KDM5B: variants seen among roughly 807,000 people sequenced by gnomAD.
The protein encoded by KDM5B is lysine demethylase 5B, also known as lysine-specific demethylase 5B.
KDM5B carries 144 observed loss-of-function variants against 193.4 expected under a neutral mutation model. The observed-to-expected ratio is 0.74, with a 90% CI of 0.65 to 0.86. The LOEUF (loss-of-function observed/expected upper bound fraction) is 0.86. Ranked by LOEUF, KDM5B falls within the 40% of genes least tolerant of loss-of-function variation. The probability of loss-of-function intolerance (pLI) is 0.00; values close to 1 mark genes in which losing one functional copy is unlikely to be tolerated. For missense variants in KDM5B, 1,833 were observed against 1,886.9 expected (o/e 0.97, Z 0.53); for synonymous variants, 668 against 682.6 (o/e 0.98, Z 0.33).
chr1:202,774,118 T>C (rs1656837547), intron 3 of KDM5B, among the ~76,000 whole-genome samples: 1 of 152,208 alleles, frequency 6.6e-6, no homozygotes, highest in African/African-American at 2.4e-5. Flanking sequence ...CTTGCAGAAT[T>C]TTTGTAAAGT....
intron 22 of KDM5B, among the ~76,000 whole-genome samples, chr1:202,734,544 G>C (rs1008200266): frequency 6.6e-6 from 1 of 152,102 alleles, no homozygotes; most frequent in Non-Finnish European, 1.5e-5. Context: ...CAGATGGACA[G>C]ACTAAAATCT....
At chr1:202,732,531 A>G (rs1328614247) in intron 23 of KDM5B, among the ~76,000 whole-genome samples, 1 of 152,208 alleles carries the variant, frequency 6.6e-6, no homozygotes, top group Non-Finnish European at 1.5e-5. Flanking sequence ...TCTATGCAAC[A>G]AATATTTAAT....
In KDM5B at chr1:202,741,286, A is replaced by G. The variant is rs949292296; in HGVS notation, c.2945+81T>C. The G allele has an allele frequency of 1.4e-5, 14 of 1,009,424 alleles. No individual in the cohort carries two copies. The Admixed American group carries it at 2.5e-4, about 18-fold the overall frequency. 62.5% of individuals were successfully genotyped at this position (1,009,424 alleles called of 1,614,324 possible). A position where few individuals can be genotyped will look rare whatever the true frequency, so the allele number is the denominator to read the frequency against. On this transcript the variant is annotated intron_variant, in intron 19 of 26. Coordinates refer to ENST00000367265, the MANE Select transcript of KDM5B (RefSeq NM_006618.5). ...TAACCGCAGCTACTGAGCACTTGCC[A>G]TAGACCAATCATTGTGCTCTGTGTT...
At chr1:202,764,296 G>A in intron 5 of KDM5B, 151 bp from the exon 6 acceptor site, 1 of 523,414 alleles carries the variant, frequency 1.9e-6, no homozygotes, top group East Asian at 3.5e-5. Flanking sequence ...AAGGAAGAGA[G>A]CTCACCTTTG....
chr1:202,742,313 A>G, intron 18 of KDM5B, 78 bp downstream of exon 18: 1 of 952,464 alleles, frequency 1.0e-6, no homozygotes, highest in Non-Finnish European at 1.7e-6. Flanking sequence ...AAAGAAGATT[A>G]CTTAGTAATA....
chr1:202,769,668 C>CAAA (rs71142553), intron 4 of KDM5B, among the ~76,000 whole-genome samples: 11 of 55,918 alleles, frequency 2.0e-4, no homozygotes, highest in South Asian at 9.0e-4. Context: ...GACTCTGTCT[C>CAAA]AAAAAAAAAA....
At chr1:202,802,452 G>T (rs967436048) in intron 1 of KDM5B, among the ~76,000 whole-genome samples, 1 of 152,096 alleles carries the variant, frequency 6.6e-6, no homozygotes, top group African/African-American at 2.4e-5. Flanking sequence ...GAGTGCAATG[G>T]AGTGATCTCG....
At chr1:202,742,325 C>A in intron 18 of KDM5B, 66 bp downstream of exon 18, 1 of 1,092,466 alleles carries the variant, frequency 9.2e-7, no homozygotes, top group Non-Finnish European at 1.4e-6. Context: ...TTAGTAATAT[C>A]AATAGAGTTT....
chr1:202,785,851 G>A (rs1215677583), intron 1 of KDM5B, among the ~76,000 whole-genome samples: 1 of 151,618 alleles, frequency 6.6e-6, no homozygotes, highest in South Asian at 2.1e-4. Context: ...AGATGATGCG[G>A]TGAGCAGAGA....
intron 16 of KDM5B, among the ~76,000 whole-genome samples, chr1:202,743,822 C>T (rs1428573408): frequency 6.6e-6 from 1 of 152,196 alleles, no homozygotes; most frequent in East Asian, 1.9e-4. Flanking sequence ...CCCTTCCTTA[C>T]ACCATATACA....
At chr1:202,800,389 G>A (rs1658025763) in intron 1 of KDM5B, among the ~76,000 whole-genome samples, 1 of 152,048 alleles carries the variant, frequency 6.6e-6, no homozygotes, top group Admixed American at 6.6e-5. Context: ...TGCCCAGGCT[G>A]GAGTGCAGTG....
At chr1:202,732,204 C>T (rs1654914238) in intron 23 of KDM5B, 1 of 412,940 alleles carries the variant, frequency 2.4e-6, no homozygotes, top group African/African-American at 2.1e-5. Flanking sequence ...GGGAAATAAG[C>T]CACTTTCTCA....
intron 4 of KDM5B, 95 bp from the exon 5 acceptor site, chr1:202,767,155 G>A: frequency 6.3e-7 from 1 of 1,576,572 alleles, no homozygotes; most frequent in Non-Finnish European, 8.7e-7. Context: ...ATGAGTTCGA[G>A]TTTGATCTAC....
intron 1 of KDM5B, 105 bp from the exon 2 acceptor site, chr1:202,777,199 A>C: frequency 2.4e-6 from 2 of 819,708 alleles, no homozygotes; most frequent in Non-Finnish European, 4.0e-6. Flanking sequence ...ATTCTAACCA[A>C]TCAAACAAAA....
At chr1:202,796,798 T>A (rs1340844820) in intron 1 of KDM5B, 1 of 157,366 alleles carries the variant, frequency 6.4e-6, no homozygotes. Flanking sequence ...GAGTCAGCTT[T>A]GCAGCTGGCA....
At chr1:202,750,932 TAG>T (rs1655766201) in intron 12 of KDM5B, among the ~76,000 whole-genome samples, 154 bp from the exon 13 acceptor site, 1 of 152,210 alleles carries the variant, frequency 6.6e-6, no homozygotes. Flanking sequence ...GAATATCACC[TAG>T]AGATACTAAT....
chr1:202,733,784 T>C lies in KDM5B; in HGVS notation c.3526A>G (p.Ile1176Val), dbSNP rs1654987201. 14 of 1,614,076 alleles carry C rather than the reference T, an allele frequency of 8.7e-6. No individual in the cohort carries two copies. The highest frequency in any genetic ancestry group is 1.2e-5 in the Non-Finnish European group (14 of 1,180,026). The stretch of plus-strand genomic sequence containing the variant: ...GCCTTCTGACATAGGCAGATTTTTA[T>C]ATCCACATCTTGGAGAGGCGACAGC... ...KLLSPLQDVDIKICLCQKAPA... is the reference protein window; with the variant it reads ...KLLSPLQDVDVKICLCQKAPA... Residue 1176 changes from isoleucine (I) to valine (V), a missense_variant, in exon 23 of 27, where the codon ATA (isoleucine) becomes GTA (valine). Coordinates refer to ENST00000367265, the MANE Select transcript of KDM5B (RefSeq NM_006618.5).
Position 202,733,624 on chromosome 1 carries a change from A to C in KDM5B, c.3686T>G (p.Leu1229Ter). The change falls in exon 23 of 27, where the codon TTA (leucine) becomes TGA (stop). Residue 1229 changes from leucine (L) to a stop codon, truncating the protein, a stop_gained. Coordinates refer to ENST00000367265, the MANE Select transcript of KDM5B (RefSeq NM_006618.5). LOFTEE classifies it high-confidence loss of function. ...PHCRRSEKPP[L>*]EKILPLLASL... ...GGCGAGCAGGGGCAGAATTTTCTCT[A>C]ATGGAGGTTTCTCTGACCTCCGACA... 6.2e-7 allele frequency: 1 copy of C among 1,614,096 alleles called. No homozygotes were observed. Among genetic ancestry groups the C allele is most frequent in the Non-Finnish European group, 8.5e-7 (1 of 1,180,006 alleles).
chr1:202,768,513 C>A (rs571143877), intron 4 of KDM5B, among the ~76,000 whole-genome samples: 14 of 151,830 alleles, frequency 9.2e-5, no homozygotes, highest in African/African-American at 1.7e-4. Context: ...AGAGACTGGG[C>A]GAAGAACAAA....
Sources: allele counts gnomAD v4.1 joint callset (sites outside exome capture counted in the v4.1 genomes callset), GRCh38; gene constraint gnomAD v4.1.1; transcripts MANE v1.5; gene names NCBI Gene and HGNC (gene_info 2026-07-23, HGNC 2026-07-21).